Variants in TBX22 observed in about 807,000 individuals in gnomAD.
TBX22 encodes T-box transcription factor TBX22.
A neutral mutation model predicts 30.1 loss-of-function variants in TBX22; 8 were observed. The observed-to-expected ratio is 0.27, with a 90% confidence interval of 0.16 to 0.48. The LOEUF (loss-of-function observed/expected upper bound fraction) is 0.48, where lower values mean the gene tolerates loss of function less well. Among genes scored for constraint, TBX22 ranks in the 20% least tolerant of loss-of-function variants. The probability of loss-of-function intolerance (pLI) is 0.99; values close to 1 mark genes in which losing one functional copy is unlikely to be tolerated. For missense variants in TBX22, 463 were observed against 400.5 expected, an observed-to-expected ratio of 1.16 and a Z score of -1.33; for synonymous variants, 173 against 149.1, an observed-to-expected ratio of 1.16 and a Z score of -1.17.
rs749041169 is a variant in TBX22 at position 80,024,039 on chromosome X, C to A, written c.357-24C>A. On this transcript the variant is annotated intron_variant, in intron 3 of 8. Transcript: ENST00000373296. ...CAAACATTTCTAAAAGCTCTTGGGT[C>A]AGTCCTTATTTTCTTTCTTACAGGC... The A allele has an allele frequency of 6.7e-6, 8 of 1,186,948 alleles. No homozygotes were observed. The East Asian group carries it at 8.9e-5, about 13-fold the overall frequency.
At position 80,031,017 on chromosome X, in the gene TBX22, A is replaced by G. The variant is rs1569301192; in HGVS notation, c.1469A>G (p.Asn490Ser). The G allele has an allele frequency of 8.3e-7, 1 of 1,211,587 alleles. No individual in the cohort carries two copies. The highest frequency in any genetic ancestry group is 1.1e-6 in the Non-Finnish European group (1 of 895,081). ...SMPSRLISGSNHLKVNDDSQV... is the reference protein window; with the variant it reads ...SMPSRLISGSSHLKVNDDSQV... ...CCATCTAGACTGATAAGTGGTTCCA[A>G]CCATCTTAAAGTGAATGACGACAGT... Residue 490 changes from asparagine (N) to serine (S), a missense_variant, in exon 9 of 9, where the codon AAC becomes AGC. Coordinates refer to ENST00000373296, the MANE Select transcript of TBX22 (RefSeq NM_001109878.2).
At chrX:80,028,173 A>G in intron 8 of TBX22, 97 bp downstream of exon 8, 1 of 722,778 alleles carries the variant, frequency 1.4e-6, no homozygotes. Flanking sequence ...GGATATGTAC[A>G]TGCAAGAAAA....
rs79598844 is a variant in TBX22 at position 80,027,474 on chromosome X, G to A, written c.863+154G>A. On this transcript the variant is annotated intron_variant, in intron 7 of 8. Transcript: ENST00000373296. ...GCTCACTGCAACTTTCACCTCCCTG[G>A]TTCAAGCAATTCTCCTGCCTCAGCC... Among the ~76,000 whole-genome samples the A allele has an allele frequency of 0.051, 5,542 of 108,521 alleles. 463 individuals carry two copies. The East Asian group carries it at 0.52, about 10-fold the overall frequency. 94.2% of individuals were successfully genotyped at this position (108,521 alleles called of 115,157 possible).
chrX:80,025,509 C>T, intron 4 of TBX22, 94 bp from the exon 5 acceptor site: 1 of 721,322 alleles, frequency 1.4e-6, no homozygotes, highest in Non-Finnish European at 2.2e-6. Flanking sequence ...CTTGGGATCA[C>T]TGGGCTAATC....
At position 80,026,840 on chromosome X, in the gene TBX22, C is replaced by G. The variant is rs764811230; in HGVS notation, c.770C>G (p.Thr257Ser). The G allele has an allele frequency of 8.3e-7, 1 of 1,211,814 alleles. No individual in the cohort carries two copies. The highest frequency in any genetic ancestry group is 1.8e-5 in the South Asian group (1 of 57,007). Reference protein sequence around the residue: ...KTFSFKETEFTTVTAYQNQQI... With the variant: ...KTFSFKETEFSTVTAYQNQQI... The stretch of plus-strand genomic sequence containing the variant: ...TTCTCCTTTAAAGAAACTGAGTTCA[C>G]CACAGTAACGGCTTACCAAAACCAA... The change falls in exon 6 of 9, where the codon ACC (threonine) becomes AGC (serine). Residue 257 changes from threonine (T) to serine (S), a missense_variant. Thr to Ser is a moderately conservative substitution (Grantham distance 58, BLOSUM62 1). Coordinates refer to ENST00000373296, the MANE Select transcript of TBX22 (RefSeq NM_001109878.2).
At position 80,027,338 on chromosome X, in the gene TBX22, G is replaced by C; in HGVS notation, c.863+18G>C. 1.1e-6 allele frequency: 1 copy of C among 878,397 alleles called. No homozygotes were observed. The highest frequency in any genetic ancestry group is 2.0e-5 in the South Asian group (1 of 48,899). 72.4% of individuals were successfully genotyped at this position (878,397 alleles called of 1,213,427 possible). On this transcript the variant is annotated intron_variant, in intron 7 of 8. Transcript: ENST00000373296. ...AGAAACAGGTAAGCAGCATAGCAAT[G>C]ACATCTAATATTGATGTAGCTAGCT...
intron 1 of TBX22, among the ~76,000 whole-genome samples, chrX:80,020,998 G>A (rs1923664318): frequency 9.0e-6 from 1 of 111,258 alleles, no homozygotes; most frequent in Admixed American, 9.5e-5. Flanking sequence ...CAAATCATAT[G>A]CACACAGGCA....
rs764049245 is a variant in TBX22 at position 80,027,283 on chromosome X, C to T, written c.826C>T (p.Pro276Ser). ...QITKLKIERNPFAKGFRDTGR... is the reference protein window; with the variant it reads ...QITKLKIERNSFAKGFRDTGR... ...TACGAAACTAAAAATAGAAAGAAAT[C>T]CTTTTGCTAAAGGATTTAGAGATAC... The change falls in exon 7 of 9, where the codon CCT becomes TCT. Residue 276 changes from proline (P) to serine (S), a missense_variant. Transcript: ENST00000373296. 1 of 1,117,654 alleles carries T rather than the reference C, an allele frequency of 8.9e-7. No individual in the cohort carries two copies. Among genetic ancestry groups the T allele is most frequent in the Non-Finnish European group, 1.2e-6 (1 of 811,051 alleles). The allele number at this position is 1,117,654 out of a possible 1,213,427, so 92.1% of individuals were successfully genotyped here.
chrX:80,025,813 G>A (rs1384955266), intron 5 of TBX22, 36 bp downstream of exon 5: 4 of 1,143,992 alleles, frequency 3.5e-6, no homozygotes, highest in East Asian at 3.1e-5. Context: ...GAGGAGGGAG[G>A]TGCCAAGGCT....
Position 80,027,316 on chromosome X carries a change from A to C in TBX22, c.859A>C (p.Asn287His). ...FAKGFRDTGR[N>H]RGVLDGLLET... ...TAAAGGATTTAGAGATACTGGAAGA[A>C]ACAGGTAAGCAGCATAGCAATGACA... The change falls in exon 7 of 9, where the codon AAC becomes CAC. Residue 287 changes from asparagine to histidine, a missense_variant. Physicochemically the swap from Asn to His is moderately conservative, Grantham distance 68 (BLOSUM62 1). Transcript: ENST00000373296. 3 of 1,074,091 alleles carry C rather than the reference A, an allele frequency of 2.8e-6. No individual in the cohort carries two copies. The highest frequency in any genetic ancestry group is 3.9e-6 in the Non-Finnish European group (3 of 770,576). 88.5% of individuals were successfully genotyped at this position (1,074,091 alleles called of 1,213,427 possible). A position where few individuals can be genotyped will look rare whatever the true frequency, so the allele number is the denominator to read the frequency against.
At chrX:80,022,120 G>A in intron 1 of TBX22, 148 bp from the exon 2 acceptor site, 7 of 522,871 alleles carry the variant, frequency 1.3e-5, no homozygotes, top group Non-Finnish European at 2.2e-5. Context: ...TTTGGGTTTT[G>A]GGTTTGGGGT....
chrX:80,017,835 C>T (rs1324684115), intron 1 of TBX22, among the ~76,000 whole-genome samples: 1 of 111,509 alleles, frequency 9.0e-6, no homozygotes, highest in African/African-American at 3.3e-5. Context: ...ATGAGAAATA[C>T]AATGAACTGA....
chrX:80,031,369 A>T lies in TBX22; in HGVS notation c.*258A>T. ...TGAGATATGCAATAAATATTATTTG[A>T]TGATACTCCACCAGTGAAAATTGAT... On this transcript the variant is annotated 3_prime_UTR_variant, in exon 9 of 9. Transcript: ENST00000373296. 5.8e-6 allele frequency: 2 copies of T among 346,361 alleles called. No individual in the cohort carries two copies. The highest frequency in any genetic ancestry group is 1.1e-4 in the South Asian group (2 of 18,772). The allele number at this position is 346,361 out of a possible 1,213,427, so 28.5% of individuals were successfully genotyped here.
At chrX:80,025,813 G>T in intron 5 of TBX22, 36 bp downstream of exon 5, 3 of 1,145,836 alleles carry the variant, frequency 2.6e-6, no homozygotes, top group Non-Finnish European at 3.5e-6. Context: ...GAGGAGGGAG[G>T]TGCCAAGGCT....
intron 8 of TBX22, among the ~76,000 whole-genome samples, chrX:80,030,236 T>C (rs1924179911): frequency 8.9e-6 from 1 of 112,008 alleles, no homozygotes; most frequent in Non-Finnish European, 1.9e-5. Context: ...TGATCACCTC[T>C]TGCTGTCCAG....
chrX:80,028,887 A>G lies in TBX22; in HGVS notation c.949+811A>G, dbSNP rs762737846. ...CATAACAACTAACTGAAAAGGGAAG[A>G]AGTGAAGTCTAATCATTTGGTGAAA... On this transcript the variant is annotated intron_variant, in intron 8 of 8. Transcript: ENST00000373296. Among the ~76,000 whole-genome samples the G allele has an allele frequency of 3.6e-5, 4 of 111,008 alleles. No homozygotes were observed. The South Asian group carries it at 1.1e-3, about 31-fold the overall frequency.
rs766918607 is a variant in TBX22, at chrX:80,030,870, A to G, written c.1322A>G (p.Asn441Ser). 16 of 1,210,333 alleles carry G rather than the reference A, an allele frequency of 1.3e-5. No homozygotes were observed. The highest frequency in any genetic ancestry group is 4.4e-5 in the Admixed American group (2 of 45,759). ...DQYLQAPNST[N>S]QMLYGLQSPG... ...TATCTACAAGCACCTAATTCTACCA[A>G]TCAAATGTTATATGGATTACAGTCA... Residue 441 changes from asparagine (N) to serine (S), a missense_variant, in exon 9 of 9, where the codon AAT becomes AGT. Coordinates refer to ENST00000373296, the MANE Select transcript of TBX22 (RefSeq NM_001109878.2).
intron 4 of TBX22, among the ~76,000 whole-genome samples, chrX:80,024,375 C>T (rs1405452341): frequency 9.0e-6 from 1 of 111,484 alleles, no homozygotes; most frequent in Non-Finnish European, 1.9e-5. Flanking sequence ...CTCTCTGCCC[C>T]CATCCCCTCT....
chrX:80,017,280 T>TTTTGTG (rs1555990863), intron 1 of TBX22, among the ~76,000 whole-genome samples: 3 of 93,955 alleles, frequency 3.2e-5, no homozygotes, highest in Admixed American at 2.3e-4. Flanking sequence ...GGTGTTGTTT[T>TTTTGTG]TGTGTGTGTG....
Sources: gnomAD v4.1 joint callset for allele counts (sites outside exome capture counted in the v4.1 genomes callset) on GRCh38, gnomAD v4.1.1 for gene constraint, MANE v1.5 for transcripts, NCBI Gene and HGNC (gene_info 2026-07-23, HGNC 2026-07-21) for gene names.